Variants in TECRL observed in about 807,000 individuals in gnomAD.
TECRL encodes the protein trans-2,3-enoyl-CoA reductase-like.
Under a neutral mutation model 52.8 loss-of-function variants are expected in TECRL, and 63 were observed. The ratio of observed to expected loss-of-function variants is 1.19; its 90% CI spans 0.97 to 1.47. TECRL has a LOEUF of 1.47. TECRL is among the 40% of genes most tolerant of loss of function. The pLI, the probability that TECRL is intolerant of heterozygous loss-of-function variation, is 0.00. For missense variants in TECRL, 482 were observed against 429.6 expected (o/e 1.12, Z -1.08); for synonymous variants, 164 against 141.9 (o/e 1.16, Z -1.10).
rs1722667741 is a variant in TECRL, at chr4:64,278,622, T to A, written c.*1450A>T. On this transcript the variant is annotated 3_prime_UTR_variant, in exon 12 of 12. Transcript: ENST00000381210. ...TCATTTCTTTTTGTTGGGGACAAAATCTCCTTTTAGCTATTTGAAACTAAA... is the reference window on the plus strand; with the variant it reads ...TCATTTCTTTTTGTTGGGGACAAAAACTCCTTTTAGCTATTTGAAACTAAA... 2 of 152,852 alleles carry A rather than the reference T, an allele frequency of 1.3e-5. No individual in the cohort carries two copies. Among genetic ancestry groups the A allele is most frequent in the Admixed American group, 1.3e-4 (2 of 15,256 alleles). 9.5% of individuals were successfully genotyped at this position (152,852 alleles called of 1,614,324 possible). A position where few individuals can be genotyped will look rare whatever the true frequency, so the allele number is the denominator to read the frequency against.
chr4:64,305,256 C>G lies in TECRL; in HGVS notation c.658-18G>C. The G allele has an allele frequency of 6.2e-7, 1 of 1,607,160 alleles. No individual in the cohort carries two copies. Among genetic ancestry groups the G allele is most frequent in the Non-Finnish European group, 8.5e-7 (1 of 1,176,488 alleles). Reference sequence around the variant, plus strand: ...GCACAACTCTGCAAACAAAACAAAACAAAATAAAAGTTAGGAAAAATATGT... The same window carrying G: ...GCACAACTCTGCAAACAAAACAAAAGAAAATAAAAGTTAGGAAAAATATGT... On this transcript the variant is annotated intron_variant, in intron 6 of 11. Coordinates refer to ENST00000381210, the MANE Select transcript of TECRL (RefSeq NM_001010874.5).
At chr4:64,395,253 T>C (rs78625076) in intron 1 of TECRL, among the ~76,000 whole-genome samples, 6 of 152,108 alleles carry the variant, frequency 3.9e-5, no homozygotes, top group African/African-American at 1.4e-4. Flanking sequence ...GTAAATTATG[T>C]ATTTTACCCA....
At chr4:64,327,330 C>G (rs1718332956) in intron 3 of TECRL, among the ~76,000 whole-genome samples, 2 of 152,112 alleles carry the variant, frequency 1.3e-5, no homozygotes, top group African/African-American at 4.8e-5. Context: ...ATGTCATATT[C>G]ACCAGAACAC....
At position 64,278,561 on chromosome 4, in the gene TECRL, C is replaced by G. The variant is rs957745608; in HGVS notation, c.*1511G>C. Reference sequence around the variant, plus strand: ...TACATATAATTTATAGTGGTCAGATCAGAGAAATTAGAGTATCCATGGTTT... The same window carrying G: ...TACATATAATTTATAGTGGTCAGATGAGAGAAATTAGAGTATCCATGGTTT... On this transcript the variant is annotated 3_prime_UTR_variant, in exon 12 of 12. Coordinates refer to ENST00000381210, the MANE Select transcript of TECRL (RefSeq NM_001010874.5). 6.1e-6 allele frequency: 1 copy of G among 162,924 alleles called. No individual in the cohort carries two copies. The highest frequency in any genetic ancestry group is 6.6e-5 in the Admixed American group (1 of 15,242). The allele number at this position is 162,924 out of a possible 1,614,324, so 10.1% of individuals were successfully genotyped here. A position where few individuals can be genotyped will look rare whatever the true frequency, so the allele number is the denominator to read the frequency against.
At chr4:64,356,863 C>T (rs2109596611) in intron 2 of TECRL, among the ~76,000 whole-genome samples, 1 of 152,178 alleles carries the variant, frequency 6.6e-6, no homozygotes, top group South Asian at 2.1e-4. Flanking sequence ...GGGCTGGGCT[C>T]CTTCAACAAT....
intron 2 of TECRL, among the ~76,000 whole-genome samples, chr4:64,368,286 T>C (rs1051373105): frequency 2.8e-5 from 1 of 35,674 alleles, no homozygotes; most frequent in Admixed American, 4.0e-4. Flanking sequence ...GTTTGTTTTC[T>C]TTTTTTGTTT....
At chr4:64,310,487 T>C (rs1724610313) in intron 5 of TECRL, among the ~76,000 whole-genome samples, 1 of 152,198 alleles carries the variant, frequency 6.6e-6, no homozygotes, top group African/African-American at 2.4e-5. Flanking sequence ...CCTTTGTGTG[T>C]TTGTTTGTGT....
rs79597674 is a variant in TECRL at position 64,292,198 on chromosome 4, G to A, written c.775-2431C>T. On this transcript the variant is annotated intron_variant, in intron 8 of 11. Coordinates refer to ENST00000381210, the MANE Select transcript of TECRL (RefSeq NM_001010874.5). ...CAGAGCCAATTAAATGTGAAACACCGGAATATTTCTCAGCATGACATATAT... is the reference window on the plus strand; with the variant it reads ...CAGAGCCAATTAAATGTGAAACACCAGAATATTTCTCAGCATGACATATAT... Among the ~76,000 whole-genome samples, 511 of 151,966 alleles carry A rather than the reference G, an allele frequency of 3.4e-3. 18 individuals carry two copies. In the East Asian group the frequency reaches 0.086, roughly 25 times the overall value.
At chr4:64,319,398 G>C (rs911742475) in intron 4 of TECRL, among the ~76,000 whole-genome samples, 1 of 151,742 alleles carries the variant, frequency 6.6e-6, no homozygotes, top group Non-Finnish European at 1.5e-5. Context: ...TAAGTTGAAG[G>C]ATTCTTATAT....
chr4:64,278,184 A>T lies in TECRL; in HGVS notation c.*1888T>A, dbSNP rs540660930. ...TATTTCAAAATATATATTTAGAATG[A>T]TTTTCAAATAATCTACAGAAAATAT... On this transcript the variant is annotated 3_prime_UTR_variant, in exon 12 of 12. Coordinates refer to ENST00000381210, the MANE Select transcript of TECRL (RefSeq NM_001010874.5). 7.9e-5 allele frequency: 12 copies of T among 151,780 alleles called. No individual in the cohort carries two copies. Among genetic ancestry groups the T allele is most frequent in the African/African-American group, 2.9e-4 (12 of 41,514 alleles). The allele number at this position is 151,780 out of a possible 1,614,324, so 9.4% of individuals were successfully genotyped here. A position where few individuals can be genotyped will look rare whatever the true frequency, so the allele number is the denominator to read the frequency against.
At chr4:64,303,150 GA>G (rs1724119059) in intron 7 of TECRL, among the ~76,000 whole-genome samples, 1 of 151,286 alleles carries the variant, frequency 6.6e-6, no homozygotes, top group South Asian at 2.1e-4. Context: ...TTTGAAATGG[GA>G]AAATATTCTA....
intron 1 of TECRL, among the ~76,000 whole-genome samples, chr4:64,381,553 T>A (rs1471424518): frequency 6.6e-6 from 1 of 152,036 alleles, no homozygotes; most frequent in Non-Finnish European, 1.5e-5. Flanking sequence ...TTGAGGTATG[T>A]TCATTACATA....
rs561648213 is a variant in TECRL, at chr4:64,279,385, C to T, written c.*687G>A. On this transcript the variant is annotated 3_prime_UTR_variant, in exon 12 of 12. Transcript: ENST00000381210. ...TCGAGTAGCTGGGACTACCTACTGG[C>T]ATGTGCCACCACGCCCAGCTAATTT... 6.6e-6 allele frequency: 1 copy of T among 152,312 alleles called. No individual in the cohort carries two copies. Among genetic ancestry groups the T allele is most frequent in the Non-Finnish European group, 1.5e-5 (1 of 68,068 alleles). The allele number at this position is 152,312 out of a possible 1,614,324, so 9.4% of individuals were successfully genotyped here.
chr4:64,387,201 TA>T (rs1723237715), intron 1 of TECRL, among the ~76,000 whole-genome samples: 1 of 152,172 alleles, frequency 6.6e-6, no homozygotes, highest in Non-Finnish European at 1.5e-5. Context: ...TTTCACTTAG[TA>T]ATGCACATTT....
At chr4:64,353,671 G>A (rs1008273994) in intron 2 of TECRL, among the ~76,000 whole-genome samples, 1 of 152,090 alleles carries the variant, frequency 6.6e-6, no homozygotes, top group Non-Finnish European at 1.5e-5. Context: ...ATAAGATATC[G>A]AGATGCCATA....
chr4:64,328,453 T>G (rs1264174040), intron 3 of TECRL, 59 bp downstream of exon 3: 6 of 1,450,494 alleles, frequency 4.1e-6, no homozygotes, highest in Non-Finnish European at 5.7e-6. Context: ...ATGTCAGCTT[T>G]TGAAAATAGA....
At chr4:64,300,105 G>T in intron 7 of TECRL, 88 bp from the exon 8 acceptor site, 7 of 955,834 alleles carry the variant, frequency 7.3e-6, no homozygotes, top group Non-Finnish European at 1.1e-5. Context: ...TATTTATTGG[G>T]TATAAATTCT....
intron 2 of TECRL, among the ~76,000 whole-genome samples, chr4:64,350,608 A>T (rs2109570829): frequency 6.6e-6 from 1 of 152,316 alleles, no homozygotes; most frequent in South Asian, 2.1e-4. Context: ...TGAATAAAGC[A>T]GATTGCCATT....
At chr4:64,313,847 C>G (rs1717260307) in intron 5 of TECRL, among the ~76,000 whole-genome samples, 1 of 149,490 alleles carries the variant, frequency 6.7e-6, no homozygotes, top group African/African-American at 2.5e-5. Flanking sequence ...TAAAAAGTAA[C>G]TTGTGGCCGG....
Sources: allele counts gnomAD v4.1 joint callset (sites outside exome capture counted in the v4.1 genomes callset), GRCh38; gene constraint gnomAD v4.1.1; transcripts MANE v1.5; gene names NCBI Gene and HGNC (gene_info 2026-07-23, HGNC 2026-07-21).